Variants in SLC17A5 observed in about 807,000 individuals in gnomAD.
The protein encoded by SLC17A5 is sialin.
In SLC17A5, 47 loss-of-function variants were observed where a neutral mutation model predicts 59.4. The observed-to-expected ratio is 0.79, with a 90% CI of 0.63 to 1.01. The LOEUF is 1.01. Ranked by LOEUF, SLC17A5 falls within the 50% of genes least tolerant of loss-of-function variation. SLC17A5 has a pLI of 0.00. For missense variants in SLC17A5, 522 were observed against 595.5 expected, an observed-to-expected ratio of 0.88 and a Z score of 1.28; for synonymous variants, 202 against 210.7, an observed-to-expected ratio of 0.96 and a Z score of 0.36.
chr6:73,605,630 A>ACACAC (rs1767355835), intron 9 of SLC17A5, among the ~76,000 whole-genome samples: 1 of 145,852 alleles, frequency 6.9e-6, no homozygotes, highest in African/African-American at 2.5e-5. Flanking sequence ...GCAAGGTTTA[A>ACACAC]ACACACACAC....
At position 73,595,127 on chromosome 6, in the gene SLC17A5, C is replaced by G. The variant is rs1244544743; in HGVS notation, c.1438G>C (p.Gly480Arg). 1 of 1,614,084 alleles carries G rather than the reference C, an allele frequency of 6.2e-7. No individual in the cohort carries two copies. The highest frequency in any genetic ancestry group is 1.7e-5 in the Admixed American group (1 of 59,998). Residue 480 changes from glycine (G) to arginine (R), a missense_variant, in exon 11 of 11, where the codon GGT becomes CGT. By Grantham distance (125) the Gly-to-Arg change is moderately radical. Around this residue, in one of 3 missense-constraint regions of SLC17A5, gnomAD observed 153 missense variants for 168.5 expected, o/e 0.91. Coordinates refer to ENST00000355773, the MANE Select transcript of SLC17A5 (RefSeq NM_012434.5). ...TTGAGAGCCCAGTTTTGTACTTCAC[C>G]TTTGGCGAATAGTGTAAAGAAAATG... The part of the protein sequence containing the change: ...GAIFFTLFAK[G>R]EVQNWALNDH...
intron 6 of SLC17A5, among the ~76,000 whole-genome samples, chr6:73,630,703 A>ACT (rs777634578): frequency 6.6e-6 from 1 of 151,880 alleles, no homozygotes; most frequent in Non-Finnish European, 1.5e-5. Context: ...AGAAGGTGTC[A>ACT]CTCTCTCTCT....
At chr6:73,653,733 G>C in intron 1 of SLC17A5, 60 bp downstream of exon 1, 1 of 1,479,040 alleles carries the variant, frequency 6.8e-7, no homozygotes, top group Non-Finnish European at 9.2e-7. Context: ...TGCCGGCCCA[G>C]AGACCGCCGC....
At chr6:73,614,791 C>T (rs1011805296) in intron 8 of SLC17A5, among the ~76,000 whole-genome samples, 9 of 152,188 alleles carry the variant, frequency 5.9e-5, no homozygotes, top group Non-Finnish European at 2.9e-5. Flanking sequence ...ACTCCCTACC[C>T]GGTCCCACAT....
intron 7 of SLC17A5, among the ~76,000 whole-genome samples, chr6:73,617,053 G>A (rs1471651564): frequency 6.6e-6 from 1 of 152,052 alleles, no homozygotes; most frequent in African/African-American, 2.4e-5. Context: ...CACTTTGGGA[G>A]GCCGCGGAGG....
chr6:73,623,402 C>T (rs1768244306), intron 6 of SLC17A5, among the ~76,000 whole-genome samples: 1 of 151,620 alleles, frequency 6.6e-6, no homozygotes, highest in Admixed American at 6.6e-5. Context: ...GTGGTGCAAT[C>T]TCAGCTCACT....
At position 73,610,409 on chromosome 6, in the gene SLC17A5, A is replaced by G. The variant is rs201543957; in HGVS notation, c.1250T>C (p.Ile417Thr). Reference sequence around the variant, plus strand: ...TTATATTAGTACTCACGAAGGAGCAATATCCAGATGGTTGATGCTAAATCC... The same window carrying G: ...TTATATTAGTACTCACGAAGGAGCAGTATCCAGATGGTTGATGCTAAATCC... ...SSGFSINHLDIAPSYAGILLG... is the reference protein window; with the variant it reads ...SSGFSINHLDTAPSYAGILLG... The change falls in exon 9 of 11, where the codon ATT becomes ACT. Residue 417 changes from isoleucine (I) to threonine (T), a missense_variant. Transcript: ENST00000355773. 1.2e-4 allele frequency: 196 copies of G among 1,613,998 alleles called. No homozygotes were observed. Among genetic ancestry groups the G allele is most frequent in the Middle Eastern group, 3.3e-4 (2 of 6,084 alleles).
chr6:73,601,074 CCGCCAT>C (rs1767047985), intron 9 of SLC17A5, among the ~76,000 whole-genome samples: 1 of 151,372 alleles, frequency 6.6e-6, no homozygotes, highest in Admixed American at 6.6e-5. Context: ...CTCTGCCCGG[CCGCCAT>C]CCCATCTAGG....
At chr6:73,630,153 T>C (rs544996863) in intron 6 of SLC17A5, among the ~76,000 whole-genome samples, 16 of 151,928 alleles carry the variant, frequency 1.1e-4, no homozygotes, top group Non-Finnish European at 1.3e-4. Context: ...CTACGACGCC[T>C]GGCTAATTTT....
chr6:73,612,179 A>ATT (rs35543141), intron 8 of SLC17A5, among the ~76,000 whole-genome samples: 17 of 139,764 alleles, frequency 1.2e-4, no homozygotes, highest in African/African-American at 2.4e-4. Context: ...TGCCTGGCTA[A>ATT]TTTTTTTTTT....
At chr6:73,595,329 T>C (rs1382091663) in intron 10 of SLC17A5, 115 bp from the exon 11 acceptor site, 1 of 1,164,918 alleles carries the variant, frequency 8.6e-7, no homozygotes, top group African/African-American at 1.5e-5. Context: ...AAAAGCCTCA[T>C]CCTTGAAACA....
chr6:73,640,628 T>A (rs1162151810), intron 3 of SLC17A5, among the ~76,000 whole-genome samples: 1 of 152,214 alleles, frequency 6.6e-6, no homozygotes, highest in African/African-American at 2.4e-5. Flanking sequence ...GTGGCCATTA[T>A]CTTGCTTGAA....
intron 1 of SLC17A5, among the ~76,000 whole-genome samples, chr6:73,650,956 T>C (rs1769831377): frequency 2.6e-5 from 4 of 152,178 alleles, no homozygotes. Context: ...ACAGACAGAC[T>C]CATAATCCTA....
chr6:73,642,075 A>G, intron 2 of SLC17A5, 151 bp from the exon 3 acceptor site: 2 of 693,912 alleles, frequency 2.9e-6, no homozygotes, highest in Non-Finnish European at 5.2e-6. Context: ...TGGGTGAGTC[A>G]TAACAATATA....
At chr6:73,613,182 T>A (rs990828933) in intron 8 of SLC17A5, among the ~76,000 whole-genome samples, 5 of 152,210 alleles carry the variant, frequency 3.3e-5, no homozygotes, top group Non-Finnish European at 7.3e-5. Context: ...TTAAAATGCA[T>A]TCACTTAGAA....
rs142050507 is a variant in SLC17A5, at chr6:73,635,441, T to C, written c.760A>G (p.Lys254Glu). Residue 254 changes from lysine to glutamate, a missense_variant, in exon 6 of 11, where the codon AAA (lysine) becomes GAA (glutamate). Coordinates refer to ENST00000355773, the MANE Select transcript of SLC17A5 (RefSeq NM_012434.5). ...WIWLVSDTPQ[K>E]HKRISHYEKE... ...TCATAATGGGAAATTCTCTTGTGTT[T>C]TTGTGGTGTGTCACTAACTAACCAG... 9 of 1,610,068 alleles carry C rather than the reference T, an allele frequency of 5.6e-6. No individual in the cohort carries two copies. Among genetic ancestry groups the C allele is most frequent in the African/African-American group, 2.7e-5 (2 of 74,868 alleles).
chr6:73,631,763 T>G lies in SLC17A5; in HGVS notation c.819+3619A>C, dbSNP rs1445183488. 2.0e-5 allele frequency among the ~76,000 whole-genome samples: 3 copies of G among 151,868 alleles called. No individual in the cohort carries two copies. The East Asian group carries it at 5.8e-4, about 29-fold the overall frequency. On this transcript the variant is annotated intron_variant, in intron 6 of 10. Transcript: ENST00000355773. ...TGCAGGCTATATTGTATTGAAATTC[T>G]GTCCATCCATGTCTGTCTCCCTCTG... is the stretch of plus-strand genomic sequence containing the variant.
chr6:73,629,712 T>A, intron 6 of SLC17A5, among the ~76,000 whole-genome samples: 2 of 148,418 alleles, frequency 1.3e-5, no homozygotes, highest in East Asian at 2.1e-4. Flanking sequence ...GAGGCGGAGG[T>A]TGCAGTGAGC....
chr6:73,643,481 T>A (rs933229192), intron 2 of SLC17A5, among the ~76,000 whole-genome samples: 4 of 150,312 alleles, frequency 2.7e-5, no homozygotes, highest in Non-Finnish European at 4.4e-5. Context: ...ATTTTTTATT[T>A]ATTTATTTTT....
Sources: gnomAD v4.1 joint callset for allele counts (sites outside exome capture counted in the v4.1 genomes callset) on GRCh38, gnomAD v4.1.1 for gene constraint, gnomAD v4.1.1 regional missense constraint, MANE v1.5 for transcripts, NCBI Gene and HGNC (gene_info 2026-07-23, HGNC 2026-07-21) for gene names.